The following MACO1 variants were observed in gnomAD, a reference collection of about 807,000 sequenced individuals.
The protein encoded by MACO1 is macoilin.
A neutral mutation model predicts 78.7 loss-of-function variants in MACO1; 14 were observed. The observed-to-expected ratio is 0.18, with a 90% CI of 0.12 to 0.28. The LOEUF (loss-of-function observed/expected upper bound fraction) is 0.28. MACO1 is among the 10% of genes least tolerant of loss of function. The pLI is 1.00. For synonymous variants in MACO1, 288 were observed against 291.6 expected (o/e 0.99, Z 0.12); for missense variants, 501 against 799.0 (o/e 0.63, Z 4.50).
intron 4 of MACO1, 82 bp downstream of exon 4, chr1:25,454,464 GTGTGTGTA>G (rs1264083434): frequency 1.1e-5 from 2 of 178,196 alleles, no homozygotes; most frequent in Non-Finnish European, 1.6e-5. Flanking sequence ...GTGTGTGTGT[GTGTGTGTA>G]TATATATATA....
intron 6 of MACO1, among the ~76,000 whole-genome samples, chr1:25,462,631 A>G (rs901950185): frequency 6.6e-6 from 1 of 152,200 alleles, no homozygotes; most frequent in Non-Finnish European, 1.5e-5. Flanking sequence ...TTCTACAGCT[A>G]TGTCTGTCTG....
chr1:25,495,774 C>T (rs139297657), intron 10 of MACO1, among the ~76,000 whole-genome samples: 1,659 of 152,194 alleles, frequency 0.011, 33 homozygotes, highest in African/African-American at 0.038. Context: ...CCATCCTGGC[C>T]AACATAGTGA....
chr1:25,463,037 A>T (rs1452525138), intron 6 of MACO1, among the ~76,000 whole-genome samples: 1 of 152,212 alleles, frequency 6.6e-6, no homozygotes, highest in Non-Finnish European at 1.5e-5. Context: ...CAAAGCCAAA[A>T]GTATATACTG....
At chr1:25,459,728 C>T (rs890337435) in intron 6 of MACO1, among the ~76,000 whole-genome samples, 1 of 152,112 alleles carries the variant, frequency 6.6e-6, no homozygotes, top group African/African-American at 2.4e-5. Context: ...CCACCTGCTT[C>T]GGCCTCCCAA....
At chr1:25,450,313 A>G (rs1338421580) in intron 3 of MACO1, among the ~76,000 whole-genome samples, 4 of 152,076 alleles carry the variant, frequency 2.6e-5, no homozygotes, top group East Asian at 1.9e-4. Context: ...GTATGTTCTG[A>G]CTAGAGTAGA....
chr1:25,480,927 AAAATATATATAT>A (rs1398468994), intron 6 of MACO1, among the ~76,000 whole-genome samples: 27 of 29,874 alleles, frequency 9.0e-4, no homozygotes, highest in African/African-American at 2.4e-3. Flanking sequence ...AAAAAAAAAA[AAAATATATATAT>A]ATATATATAT....
chr1:25,470,508 TA>T (rs1394946453), intron 6 of MACO1, among the ~76,000 whole-genome samples: 1 of 152,212 alleles, frequency 6.6e-6, no homozygotes, highest in Non-Finnish European at 1.5e-5. Context: ...CCTGGACTGG[TA>T]ACCCAGGGGC....
rs150652169 is a variant in MACO1 at position 25,465,187 on chromosome 1, C to T, written c.1154+6295C>T. On this transcript the variant is annotated intron_variant, in intron 6 of 10. Coordinates refer to ENST00000374343, the MANE Select transcript of MACO1 (RefSeq NM_018202.6). ...ATAATATTCCATTGTCTGGATATAC[C>T]GCAAGTTTATCCATTCACCTGCTGT... Among the ~76,000 whole-genome samples the T allele has an allele frequency of 1.0e-3, 158 of 152,186 alleles. 4 individuals carry two copies. In the East Asian group the frequency reaches 0.03, roughly 29 times the overall value.
intron 6 of MACO1, among the ~76,000 whole-genome samples, chr1:25,477,850 A>G (rs1260952782): frequency 6.6e-6 from 1 of 152,248 alleles, no homozygotes; most frequent in Non-Finnish European, 1.5e-5. Context: ...TAATTCAGGT[A>G]ATTCACAAGA....
chr1:25,495,753 A>G (rs537106092), intron 10 of MACO1, among the ~76,000 whole-genome samples: 3 of 152,268 alleles, frequency 2.0e-5, no homozygotes, highest in African/African-American at 7.2e-5. Context: ...CACAAGGTCA[A>G]GAGATCGAGA....
intron 10 of MACO1, among the ~76,000 whole-genome samples, chr1:25,496,506 A>T (rs1482127702): frequency 6.6e-6 from 1 of 152,100 alleles, no homozygotes; most frequent in Admixed American, 6.5e-5. Flanking sequence ...ACATATACCA[A>T]TCATGTCTTT....
At chr1:25,467,731 A>AT (rs34155576) in intron 6 of MACO1, among the ~76,000 whole-genome samples, 5,651 of 134,132 alleles carry the variant, frequency 0.042, 244 homozygotes, top group African/African-American at 0.11. Flanking sequence ...TAGAATGATG[A>AT]TTTTTTTTTT....
intron 6 of MACO1, among the ~76,000 whole-genome samples, chr1:25,472,319 C>T (rs529999362): frequency 6.6e-6 from 1 of 152,264 alleles, no homozygotes; most frequent in Admixed American, 6.5e-5. Flanking sequence ...CACCCATCAA[C>T]CCGTCATCTA....
chr1:25,465,065 G>A (rs530687561), intron 6 of MACO1, among the ~76,000 whole-genome samples: 3 of 151,390 alleles, frequency 2.0e-5, no homozygotes, highest in South Asian at 2.1e-4. Flanking sequence ...AACCTGCCTC[G>A]GCCTCCCAAA....
intron 6 of MACO1, among the ~76,000 whole-genome samples, chr1:25,480,279 T>A (rs1466413757): frequency 6.6e-6 from 1 of 152,224 alleles, no homozygotes; most frequent in Non-Finnish European, 1.5e-5. Context: ...TGGGCAGTGT[T>A]CTTGTAGAGC....
intron 5 of MACO1, among the ~76,000 whole-genome samples, chr1:25,457,382 G>A (rs2043131089): frequency 6.6e-6 from 1 of 152,092 alleles, no homozygotes; most frequent in South Asian, 2.1e-4. Flanking sequence ...GAAGTGTAGG[G>A]ATTACAGGCA....
intron 1 of MACO1, among the ~76,000 whole-genome samples, chr1:25,440,356 T>G (rs1033851028): frequency 6.7e-6 from 1 of 149,444 alleles, no homozygotes; most frequent in African/African-American, 2.5e-5. Context: ...GAACTATGAT[T>G]GTACCACTGC....
chr1:25,462,848 T>C (rs182224288), intron 6 of MACO1, among the ~76,000 whole-genome samples: 145 of 65,438 alleles, frequency 2.2e-3, no homozygotes, highest in African/African-American at 4.9e-3. Flanking sequence ...TATTCTTTAG[T>C]ATGCTGTATA....
intron 3 of MACO1, among the ~76,000 whole-genome samples, chr1:25,449,658 G>A (rs1243483098): frequency 6.6e-6 from 1 of 152,096 alleles, no homozygotes; most frequent in Admixed American, 6.5e-5. Flanking sequence ...ACAGCTTGCT[G>A]ATTTCTTAGA....
Sources: gnomAD v4.1 joint callset for allele counts (sites outside exome capture counted in the v4.1 genomes callset) on GRCh38, gnomAD v4.1.1 for gene constraint, MANE v1.5 for transcripts, NCBI Gene and HGNC (gene_info 2026-07-23, HGNC 2026-07-21) for gene names.